The following RNGTT variants were observed in gnomAD, a reference collection of about 807,000 sequenced individuals.
RNGTT encodes the protein RNA guanylyltransferase and 5'-phosphatase, also known as mRNA-capping enzyme.
RNGTT carries 33 observed loss-of-function variants against 79.3 expected under a neutral mutation model. That is an observed-to-expected ratio of 0.42 (90% CI 0.32 to 0.56). The LOEUF (loss-of-function observed/expected upper bound fraction) is 0.56. Ranked by LOEUF, RNGTT falls within the 20% of genes least tolerant of loss-of-function variation. The probability of loss-of-function intolerance (pLI) is 0.17; values close to 1 mark genes in which losing one functional copy is unlikely to be tolerated. For missense variants in RNGTT, 497 were observed against 739.1 expected, an observed-to-expected ratio of 0.67 and a Z score of 3.80; for synonymous variants, 222 against 235.9, an observed-to-expected ratio of 0.94 and a Z score of 0.54.
At chr6:88,626,134 T>C (rs1475476076) in intron 14 of RNGTT, among the ~76,000 whole-genome samples, 1 of 151,942 alleles carries the variant, frequency 6.6e-6, no homozygotes, top group Non-Finnish European at 1.5e-5. Context: ...TAATAGACAG[T>C]AAATGGTGAA....
intron 13 of RNGTT, among the ~76,000 whole-genome samples, chr6:88,727,019 T>C (rs1204565494): frequency 6.6e-6 from 1 of 151,930 alleles, no homozygotes; most frequent in East Asian, 1.9e-4. Flanking sequence ...GGAGAATTTA[T>C]GTAAAAAGGA....
intron 8 of RNGTT, among the ~76,000 whole-genome samples, chr6:88,870,988 A>G (rs1242087410): frequency 6.6e-6 from 1 of 152,184 alleles, no homozygotes; most frequent in African/African-American, 2.4e-5. Flanking sequence ...TATTCAATAA[A>G]TCATTAAAAT....
At chr6:88,856,305 AATG>A (rs1330377331) in intron 8 of RNGTT, among the ~76,000 whole-genome samples, 2 of 152,164 alleles carry the variant, frequency 1.3e-5, no homozygotes, top group African/African-American at 2.4e-5. Context: ...ATCATGTAAT[AATG>A]ATAACTGAAA....
intron 12 of RNGTT, among the ~76,000 whole-genome samples, chr6:88,775,578 A>G (rs1363373414): frequency 6.6e-6 from 1 of 152,238 alleles, no homozygotes; most frequent in Non-Finnish European, 1.5e-5. Flanking sequence ...TAGAACTGAC[A>G]GAGTAATTTA....
intron 12 of RNGTT, 29 bp downstream of exon 12, chr6:88,801,535 A>AAC (rs143372586): frequency 3.4e-5 from 52 of 1,532,352 alleles, no homozygotes; most frequent in South Asian, 5.7e-5. Context: ...CACACAAACG[A>AAC]ACACACACAC....
At chr6:88,762,507 A>G (rs1778302862) in intron 13 of RNGTT, among the ~76,000 whole-genome samples, 1 of 152,200 alleles carries the variant, frequency 6.6e-6, no homozygotes, top group Admixed American at 6.5e-5. Context: ...AGCCTCTAAA[A>G]TCTTATATAC....
At chr6:88,949,159 G>GAAA in intron 1 of RNGTT, among the ~76,000 whole-genome samples, 2,938 of 50,152 alleles carry the variant, frequency 0.059, 105 homozygotes, top group Middle Eastern at 0.1. Flanking sequence ...AAAATAAAAT[G>GAAA]AAAAAAAAAA....
intron 11 of RNGTT, among the ~76,000 whole-genome samples, chr6:88,834,161 T>TA (rs1278438116): frequency 6.6e-6 from 1 of 152,224 alleles, no homozygotes; most frequent in Non-Finnish European, 1.5e-5. Context: ...ATGTTACAAT[T>TA]AAAAATCTTT....
At chr6:88,915,424 T>C (rs1477614492) in intron 4 of RNGTT, among the ~76,000 whole-genome samples, 1 of 152,176 alleles carries the variant, frequency 6.6e-6, no homozygotes, top group East Asian at 1.9e-4. Context: ...TACCATAGAA[T>C]ACTATGCAGC....
intron 11 of RNGTT, among the ~76,000 whole-genome samples, chr6:88,803,445 G>A (rs756087690): frequency 2.0e-5 from 3 of 151,282 alleles, no homozygotes; most frequent in Admixed American, 6.6e-5. Context: ...GTGGTGGCGC[G>A]CGCCTGTAGT....
At chr6:88,684,152 T>C (rs1410521885) in intron 13 of RNGTT, among the ~76,000 whole-genome samples, 1 of 152,098 alleles carries the variant, frequency 6.6e-6, no homozygotes, top group African/African-American at 2.4e-5. Context: ...CATATGTCAT[T>C]AGGGAAATAC....
intron 11 of RNGTT, among the ~76,000 whole-genome samples, chr6:88,826,799 A>AAAATAT (rs1554221302): frequency 7.9e-5 from 10 of 126,930 alleles, no homozygotes; most frequent in African/African-American, 3.1e-4. Context: ...AAAAAAAAAA[A>AAAATAT]ATATATATAT....
chr6:88,652,419 T>C (rs1582282227), intron 14 of RNGTT, among the ~76,000 whole-genome samples: 1 of 152,076 alleles, frequency 6.6e-6, no homozygotes, highest in South Asian at 2.1e-4. Flanking sequence ...GTTCACAATT[T>C]AGAAAAAAAA....
At chr6:88,876,405 G>C (rs1480014557) in intron 8 of RNGTT, among the ~76,000 whole-genome samples, 1 of 152,134 alleles carries the variant, frequency 6.6e-6, no homozygotes, top group Non-Finnish European at 1.5e-5. Context: ...GTGGCGGCAC[G>C]CGCCTATAGT....
intron 8 of RNGTT, among the ~76,000 whole-genome samples, chr6:88,881,254 G>A (rs1240699088): frequency 3.3e-5 from 5 of 152,294 alleles, no homozygotes; most frequent in African/African-American, 7.2e-5. Context: ...ACTATCAAGT[G>A]TAACTGCAAG....
chr6:88,894,823 T>C (rs899328120), intron 6 of RNGTT, among the ~76,000 whole-genome samples: 1 of 152,172 alleles, frequency 6.6e-6, no homozygotes, highest in South Asian at 2.1e-4. Flanking sequence ...TCCCGGCACT[T>C]TGGGAGGCTG....
intron 4 of RNGTT, among the ~76,000 whole-genome samples, chr6:88,913,748 A>G (rs1245515289): frequency 6.6e-6 from 1 of 152,194 alleles, no homozygotes; most frequent in Non-Finnish European, 1.5e-5. Context: ...CACAGCCAAC[A>G]TAATACTGAA....
intron 13 of RNGTT, among the ~76,000 whole-genome samples, chr6:88,742,506 CTTTCATCTTTCCTTT>C (rs1339131227): frequency 6.6e-6 from 1 of 152,156 alleles, no homozygotes; most frequent in African/African-American, 2.4e-5. Flanking sequence ...ATCTGTTCTT[CTTTCATCTTTCCTTT>C]TGTAATCTCA....
chr6:88,613,838 A>C (rs1321940004), intron 15 of RNGTT, among the ~76,000 whole-genome samples: 1 of 152,188 alleles, frequency 6.6e-6, no homozygotes, highest in Non-Finnish European at 1.5e-5. Flanking sequence ...TGTCTTTTTA[A>C]ATGGTTTTCG....
Sources: gnomAD v4.1 joint callset for allele counts (sites outside exome capture counted in the v4.1 genomes callset) on GRCh38, gnomAD v4.1.1 for gene constraint, MANE v1.5 for transcripts, NCBI Gene and HGNC (gene_info 2026-07-23, HGNC 2026-07-21) for gene names.